The following PGM5 variants were observed in gnomAD, a reference collection of about 807,000 sequenced individuals.
PGM5 encodes the protein phosphoglucomutase 5, also known as phosphoglucomutase-like protein 5.
PGM5 carries 23 observed loss-of-function variants against 59.2 expected under a neutral mutation model. That is an observed-to-expected ratio of 0.39 (90% CI 0.28 to 0.55). The LOEUF (loss-of-function observed/expected upper bound fraction) is 0.55. Ranked by LOEUF, PGM5 falls within the 20% of genes least tolerant of loss-of-function variation. The pLI, the probability that PGM5 is intolerant of heterozygous loss-of-function variation, is 0.66. For missense variants in PGM5, 574 were observed against 748.3 expected (o/e 0.77, Z 2.72); for synonymous variants, 214 against 286.0 (o/e 0.75, Z 2.54).
chr9:68,401,635 G>A (rs1170457517), intron 6 of PGM5, among the ~76,000 whole-genome samples: 49 of 148,448 alleles, frequency 3.3e-4, no homozygotes, highest in Non-Finnish European at 2.7e-4. Context: ...ACCCAGTCTC[G>A]AACATGTGGC....
At chr9:68,504,953 A>T (rs1824632002) in intron 10 of PGM5, among the ~76,000 whole-genome samples, 1 of 152,224 alleles carries the variant, frequency 6.6e-6, no homozygotes, top group African/African-American at 2.4e-5. Flanking sequence ...TGGTGCTATC[A>T]TCAGGTTTCC....
intron 10 of PGM5, 45 bp from the exon 11 acceptor site, chr9:68,529,522 G>C: frequency 7.3e-7 from 1 of 1,378,348 alleles, no homozygotes. Context: ...GCCCCAAAAT[G>C]TAACTGACTT....
chr9:68,520,957 G>A (rs1259041366), intron 10 of PGM5, among the ~76,000 whole-genome samples: 3 of 152,182 alleles, frequency 2.0e-5, no homozygotes, highest in Non-Finnish European at 2.9e-5. Context: ...TTTTCAAATA[G>A]TGTGCCTAGA....
chr9:68,522,087 T>A (rs532349085), intron 10 of PGM5, among the ~76,000 whole-genome samples: 1 of 152,258 alleles, frequency 6.6e-6, no homozygotes, highest in Admixed American at 6.5e-5. Flanking sequence ...AAATCCTGTC[T>A]TTACTAAAAA....
chr9:68,381,446 T>G (rs1211921220), intron 2 of PGM5, among the ~76,000 whole-genome samples: 2 of 151,924 alleles, frequency 1.3e-5, no homozygotes, highest in Non-Finnish European at 2.9e-5. Context: ...CTGAAAACTT[T>G]TCCACAATTT....
chr9:68,527,788 A>G (rs1825010845), intron 10 of PGM5, among the ~76,000 whole-genome samples: 1 of 152,212 alleles, frequency 6.6e-6, no homozygotes, highest in African/African-American at 2.4e-5. Context: ...AATTTAATAC[A>G]TGTAACCATA....
At chr9:68,421,269 G>C (rs1331486219) in intron 6 of PGM5, among the ~76,000 whole-genome samples, 1 of 152,180 alleles carries the variant, frequency 6.6e-6, no homozygotes, top group African/African-American at 2.4e-5. Flanking sequence ...CTCACCCCTG[G>C]TGGCTGGCTG....
chr9:68,418,711 G>C (rs535239765), intron 6 of PGM5, among the ~76,000 whole-genome samples: 13 of 151,580 alleles, frequency 8.6e-5, no homozygotes, highest in African/African-American at 3.2e-4. Flanking sequence ...TCTGAGCCCT[G>C]GGGGTCTTAT....
At chr9:68,368,107 A>T (rs1264746959) in intron 1 of PGM5, among the ~76,000 whole-genome samples, 1 of 152,060 alleles carries the variant, frequency 6.6e-6, no homozygotes, top group African/African-American at 2.4e-5. Context: ...ATATGTGTGC[A>T]TATAGCCCCC....
chr9:68,413,156 A>G (rs1330153416), intron 6 of PGM5, among the ~76,000 whole-genome samples: 3 of 152,184 alleles, frequency 2.0e-5, no homozygotes, highest in Non-Finnish European at 2.9e-5. Context: ...CTGTTTCTCT[A>G]TTTAAAGGGA....
At chr9:68,391,811 G>C (rs1554679505) in intron 5 of PGM5, 87 bp downstream of exon 5, 1 of 1,351,294 alleles carries the variant, frequency 7.4e-7, no homozygotes, top group East Asian at 2.3e-5. Flanking sequence ...AACACATCTG[G>C]AGCTAACATG....
intron 10 of PGM5, among the ~76,000 whole-genome samples, chr9:68,525,839 G>A (rs2132122050): frequency 6.6e-6 from 1 of 152,218 alleles, no homozygotes; most frequent in African/African-American, 2.4e-5. Context: ...GGCAAATCAC[G>A]AGGTCAGGAG....
intron 1 of PGM5, among the ~76,000 whole-genome samples, chr9:68,373,840 C>T (rs1348336890): frequency 1.3e-5 from 2 of 152,222 alleles, no homozygotes; most frequent in African/African-American, 2.4e-5. Context: ...TTCCTTCCCT[C>T]TTGTGACTCT....
rs1225855391 is a variant in PGM5 at position 68,376,525 on chromosome 9, T to G, written c.262-1674T>G. Among the ~76,000 whole-genome samples the G allele has an allele frequency of 9.5e-5, 12 of 126,756 alleles. No individual in the cohort carries two copies. The East Asian group carries it at 2.1e-3, about 23-fold the overall frequency. 83.2% of individuals were successfully genotyped at this position (126,756 alleles called of 152,430 possible). ...TGTGTGTGTGTGTGTGTGTGTGTGT[T>G]TTGATCTCTTCTGTATCTTTTTTTC... On this transcript the variant is annotated intron_variant, in intron 1 of 10. Coordinates refer to ENST00000396396, the MANE Select transcript of PGM5 (RefSeq NM_021965.4).
rs1170800562 is a variant in PGM5, at chr9:68,499,274, C to G, written c.1527C>G (p.Leu509=). 1.2e-6 allele frequency: 2 copies of G among 1,614,074 alleles called. No individual in the cohort carries two copies. Among genetic ancestry groups the G allele is most frequent in the Non-Finnish European group, 1.7e-6 (2 of 1,180,038 alleles). The stretch of plus-strand genomic sequence containing the variant: ...ATGCATCACGGCTCATCTTCCGGCT[C>G]AGTTCCTCCAGTGGTGTGCGGGCCA... ...FSDASRLIFR[L]SSSSGVRATL... The change falls in exon 10 of 11, where the codon CTC becomes CTG. Residue 509 remains leucine (L), a synonymous_variant. Coordinates refer to ENST00000396396, the MANE Select transcript of PGM5 (RefSeq NM_021965.4).
intron 6 of PGM5, among the ~76,000 whole-genome samples, chr9:68,458,528 G>A (rs1823812639): frequency 6.6e-6 from 1 of 152,232 alleles, no homozygotes; most frequent in East Asian, 1.9e-4. Context: ...GAAATGTCCA[G>A]TACTAAGAGC....
chr9:68,478,838 A>G (rs1352215301), intron 7 of PGM5, among the ~76,000 whole-genome samples: 3 of 152,246 alleles, frequency 2.0e-5, no homozygotes, highest in Non-Finnish European at 4.4e-5. Context: ...TCCCAAAATA[A>G]GGTCACATTC....
intron 6 of PGM5, chr9:68,396,360 C>G (rs1157484616): frequency 6.6e-6 from 1 of 152,176 alleles, no homozygotes; most frequent in Non-Finnish European, 1.5e-5. Flanking sequence ...AAAAGGGTCC[C>G]TGATAAACCA....
intron 10 of PGM5, among the ~76,000 whole-genome samples, chr9:68,511,853 G>A (rs1166333681): frequency 6.6e-6 from 1 of 152,046 alleles, no homozygotes; most frequent in Non-Finnish European, 1.5e-5. Flanking sequence ...CAATTGACTT[G>A]TCCTTTTCCC....
Sources: gnomAD v4.1 joint callset for allele counts (sites outside exome capture counted in the v4.1 genomes callset) on GRCh38, gnomAD v4.1.1 for gene constraint, MANE v1.5 for transcripts, NCBI Gene and HGNC (gene_info 2026-07-23, HGNC 2026-07-21) for gene names.